Variants in DPP10 observed in about 807,000 individuals in gnomAD.
DPP10 encodes dipeptidyl peptidase like 10, also known as inactive dipeptidyl peptidase 10.
DPP10 carries 33 observed loss-of-function variants against 120.9 expected under a neutral mutation model. The ratio of observed to expected loss-of-function variants is 0.27; its 90% CI spans 0.21 to 0.37. DPP10 has a LOEUF of 0.37. Ranked by LOEUF, DPP10 falls within the 10% of genes least tolerant of loss-of-function variation. DPP10 has a pLI of 1.00. For missense variants in DPP10, 816 were observed against 942.8 expected, an observed-to-expected ratio of 0.87 and a Z score of 1.76; for synonymous variants, 337 against 326.1, an observed-to-expected ratio of 1.03 and a Z score of -0.36.
At chr2:114,890,395 C>A (rs1692441424) in intron 1 of DPP10, among the ~76,000 whole-genome samples, 5 of 152,014 alleles carry the variant, frequency 3.3e-5, no homozygotes. Context: ...AAACTACCAC[C>A]CACTAATCGC....
intron 1 of DPP10, among the ~76,000 whole-genome samples, chr2:114,932,197 A>G (rs935123330): frequency 6.6e-6 from 1 of 152,222 alleles, no homozygotes; most frequent in Non-Finnish European, 1.5e-5. Context: ...TTGTTTTATC[A>G]AGCCCTCCAG....
At chr2:115,514,488 A>G (rs1423715145) in intron 4 of DPP10, among the ~76,000 whole-genome samples, 2 of 151,698 alleles carry the variant, frequency 1.3e-5, no homozygotes, top group Non-Finnish European at 3.0e-5. Context: ...TTTTAATAAA[A>G]CATGGTCTAA....
At chr2:115,035,065 C>T (rs949347190) in intron 1 of DPP10, among the ~76,000 whole-genome samples, 2 of 152,248 alleles carry the variant, frequency 1.3e-5, no homozygotes, top group Admixed American at 1.3e-4. Flanking sequence ...TAGCCGATGA[C>T]ACCTTCCATG....
intron 1 of DPP10, among the ~76,000 whole-genome samples, chr2:115,220,956 A>ATAGT (rs10640250): frequency 0.79 from 119,287 of 150,178 alleles, 47,634 homozygotes; most frequent in East Asian, 0.89. Context: ...AAAATATTAT[A>ATAGT]TAATCAGTGG....
chr2:115,576,122 G>C (rs148439279), intron 5 of DPP10, among the ~76,000 whole-genome samples: 3 of 152,150 alleles, frequency 2.0e-5, no homozygotes, highest in African/African-American at 7.2e-5. Flanking sequence ...ATTGTTTGAA[G>C]CTACTGACTT....
chr2:114,905,111 T>C (rs916247092), intron 1 of DPP10, among the ~76,000 whole-genome samples: 7 of 152,218 alleles, frequency 4.6e-5, no homozygotes, highest in Admixed American at 4.6e-4. Context: ...TGCTGACTTT[T>C]GCCAGCAACC....
At chr2:114,831,480 C>T (rs910171287) in intron 1 of DPP10, among the ~76,000 whole-genome samples, 1 of 152,090 alleles carries the variant, frequency 6.6e-6, no homozygotes, top group African/African-American at 2.4e-5. Context: ...TTTCGGGAAG[C>T]AGGTTTGTCT....
intron 24 of DPP10, among the ~76,000 whole-genome samples, chr2:115,838,741 C>T (rs1393244728): frequency 6.6e-6 from 1 of 152,048 alleles, no homozygotes; most frequent in Admixed American, 6.6e-5. Flanking sequence ...GAGGTTCAGC[C>T]CTGGTCCCTG....
intron 1 of DPP10, among the ~76,000 whole-genome samples, chr2:114,682,915 C>T (rs539111456): frequency 1.4e-4 from 22 of 151,900 alleles, no homozygotes; most frequent in South Asian, 2.1e-4. Flanking sequence ...TACACCCTAC[C>T]GCTGTTTAAC....
At chr2:114,795,595 C>G (rs930417993) in intron 1 of DPP10, among the ~76,000 whole-genome samples, 3 of 151,952 alleles carry the variant, frequency 2.0e-5, no homozygotes, top group African/African-American at 7.3e-5. Flanking sequence ...GCACAGTTGA[C>G]CCTTGAACAA....
At chr2:115,825,316 A>G (rs1385843498) in intron 21 of DPP10, among the ~76,000 whole-genome samples, 1 of 152,116 alleles carries the variant, frequency 6.6e-6, no homozygotes, top group Non-Finnish European at 1.5e-5. Context: ...CGTTTCCTCC[A>G]TTAACCATTC....
At chr2:115,166,975 T>C (rs1325610534) in intron 1 of DPP10, among the ~76,000 whole-genome samples, 1 of 152,238 alleles carries the variant, frequency 6.6e-6, no homozygotes, top group East Asian at 1.9e-4. Context: ...TGTGAGATTT[T>C]GTGCTATCAA....
At chr2:115,584,194 TTTTA>T (rs144338861) in intron 5 of DPP10, among the ~76,000 whole-genome samples, 120 of 152,340 alleles carry the variant, frequency 7.9e-4, no homozygotes, top group African/African-American at 2.8e-3. Flanking sequence ...ATTTACTCCA[TTTTA>T]TTTAAGTTTT....
intron 1 of DPP10, among the ~76,000 whole-genome samples, chr2:114,843,117 G>A (rs760500861): frequency 2.6e-5 from 4 of 152,082 alleles, no homozygotes; most frequent in Non-Finnish European, 5.9e-5. Flanking sequence ...ATGACCTAAT[G>A]GCATTTGCCA....
At chr2:114,832,518 A>T (rs553333144) in intron 1 of DPP10, among the ~76,000 whole-genome samples, 1 of 152,368 alleles carries the variant, frequency 6.6e-6, no homozygotes, top group East Asian at 1.9e-4. Context: ...CTGGCGACAG[A>T]GCGAGACTCC....
At chr2:115,331,671 T>C (rs1056730205) in intron 2 of DPP10, among the ~76,000 whole-genome samples, 1 of 152,222 alleles carries the variant, frequency 6.6e-6, no homozygotes, top group African/African-American at 2.4e-5. Context: ...TCTGCATCTA[T>C]TGAGATAATC....
intron 1 of DPP10, among the ~76,000 whole-genome samples, chr2:114,990,535 G>A (rs1313911039): frequency 4.0e-5 from 6 of 151,714 alleles, no homozygotes; most frequent in Non-Finnish European, 8.8e-5. Context: ...TTTGATTTTG[G>A]TCTTGGATTT....
chr2:115,359,119 T>C (rs1470781429), intron 3 of DPP10, among the ~76,000 whole-genome samples: 1 of 152,194 alleles, frequency 6.6e-6, no homozygotes, highest in Non-Finnish European at 1.5e-5. Context: ...GTAGGGTGTT[T>C]AGATCATTTG....
intron 5 of DPP10, among the ~76,000 whole-genome samples, chr2:115,550,525 A>G (rs896978460): frequency 6.6e-6 from 1 of 152,094 alleles, no homozygotes; most frequent in African/African-American, 2.4e-5. Context: ...CAACCCAGAA[A>G]TATCCCCTTC....
Sources: gnomAD v4.1 joint callset for allele counts (sites outside exome capture counted in the v4.1 genomes callset) on GRCh38, gnomAD v4.1.1 for gene constraint, MANE v1.5 for transcripts, NCBI Gene and HGNC (gene_info 2026-07-23, HGNC 2026-07-21) for gene names.